EFCAB6: variants seen among roughly 807,000 people sequenced by gnomAD.
The protein encoded by EFCAB6 is EF-hand calcium-binding domain-containing protein 6.
In EFCAB6, 156 loss-of-function variants were observed where a neutral mutation model predicts 169.8. That is an observed-to-expected ratio of 0.92 (90% confidence interval 0.81 to 1.05). The LOEUF is 1.05. EFCAB6 is among the 50% of genes least tolerant of loss of function. The probability of loss-of-function intolerance (pLI) is 0.00; values close to 1 mark genes in which losing one functional copy is unlikely to be tolerated. For synonymous variants in EFCAB6, 698 were observed against 676.4 expected (o/e 1.03, Z -0.50); for missense variants, 1,800 against 1,829.1 (o/e 0.98, Z 0.29).
chr22:43,721,045 A>G (rs1473964460), intron 8 of EFCAB6, among the ~76,000 whole-genome samples: 1 of 152,228 alleles, frequency 6.6e-6, no homozygotes, highest in Non-Finnish European at 1.5e-5. Context: ...ACACAAAATC[A>G]ATGTACAAAA....
chr22:43,786,506 G>C (rs1022388402), intron 2 of EFCAB6, among the ~76,000 whole-genome samples: 3 of 151,976 alleles, frequency 2.0e-5, no homozygotes, highest in South Asian at 2.1e-4. Context: ...CAGATCACGA[G>C]GTCAGGAGAT....
chr22:43,708,038 T>A (rs974026018), intron 10 of EFCAB6, among the ~76,000 whole-genome samples: 1 of 127,920 alleles, frequency 7.8e-6, no homozygotes, highest in South Asian at 2.4e-4. Context: ...AGAAATAAGA[T>A]ATTTAAGTCT....
At chr22:43,569,276 TGA>T (rs1382238574) in intron 26 of EFCAB6, among the ~76,000 whole-genome samples, 1 of 152,270 alleles carries the variant, frequency 6.6e-6, no homozygotes, top group African/African-American at 2.4e-5. Context: ...GCACGCTAAG[TGA>T]GAGTGAATCT....
At chr22:43,563,924 C>T (rs545018163) in intron 26 of EFCAB6, among the ~76,000 whole-genome samples, 15 of 152,358 alleles carry the variant, frequency 9.8e-5, no homozygotes, top group East Asian at 5.8e-4. Flanking sequence ...TGACCGGCTG[C>T]GGTGAGCTCT....
intron 4 of EFCAB6, among the ~76,000 whole-genome samples, chr22:43,772,348 A>G (rs1432472576): frequency 6.6e-6 from 1 of 152,204 alleles, no homozygotes; most frequent in East Asian, 1.9e-4. Flanking sequence ...CTTAAAAGAA[A>G]TGAAAAGAAG....
At chr22:43,735,123 C>T (rs1357308639) in intron 7 of EFCAB6, among the ~76,000 whole-genome samples, 1 of 152,188 alleles carries the variant, frequency 6.6e-6, no homozygotes, top group African/African-American at 2.4e-5. Context: ...CAGTGGCTTT[C>T]ACTCAAAACT....
At chr22:43,530,736 G>T in intron 31 of EFCAB6, 79 bp downstream of exon 31, 1 of 1,590,098 alleles carries the variant, frequency 6.3e-7, no homozygotes, top group Non-Finnish European at 8.6e-7. Flanking sequence ...CAGGTAGAGG[G>T]CTCCCCGTGG....
intron 17 of EFCAB6, among the ~76,000 whole-genome samples, chr22:43,635,494 C>T (rs1191600992): frequency 3.3e-5 from 5 of 152,124 alleles, no homozygotes; most frequent in Non-Finnish European, 7.4e-5. Flanking sequence ...TTTTCCAAGC[C>T]GTGCCATCCA....
At chr22:43,709,363 T>G (rs778200516) in intron 10 of EFCAB6, among the ~76,000 whole-genome samples, 1 of 152,218 alleles carries the variant, frequency 6.6e-6, no homozygotes, top group Non-Finnish European at 1.5e-5. Context: ...ATTACATGCA[T>G]GAACCACTGC....
intron 3 of EFCAB6, among the ~76,000 whole-genome samples, chr22:43,780,973 G>A (rs1445519819): frequency 1.3e-5 from 2 of 152,136 alleles, no homozygotes; most frequent in African/African-American, 4.8e-5. Flanking sequence ...TGCGTCTTAC[G>A]GCATTTGGCT....
intron 10 of EFCAB6, among the ~76,000 whole-genome samples, chr22:43,700,691 G>A (rs192263693): frequency 2.0e-5 from 3 of 152,188 alleles, no homozygotes; most frequent in East Asian, 3.9e-4. Context: ...TGCCTTTTCC[G>A]GAATGTCTTG....
intron 2 of EFCAB6, among the ~76,000 whole-genome samples, chr22:43,787,856 T>C (rs1024925893): frequency 1.3e-5 from 2 of 152,140 alleles, no homozygotes; most frequent in African/African-American, 4.8e-5. Context: ...CAAAACTTAA[T>C]AGAAAGCAAC....
At chr22:43,718,370 A>G (rs2059407178) in intron 8 of EFCAB6, among the ~76,000 whole-genome samples, 1 of 152,342 alleles carries the variant, frequency 6.6e-6, no homozygotes, top group Non-Finnish European at 1.5e-5. Context: ...CACTTAATTC[A>G]GCTGCAGTTA....
intron 6 of EFCAB6, among the ~76,000 whole-genome samples, chr22:43,736,361 C>T (rs890272045): frequency 6.6e-6 from 1 of 152,110 alleles, no homozygotes; most frequent in African/African-American, 2.4e-5. Flanking sequence ...TTTTATTTTT[C>T]ACAGCCATAT....
intron 17 of EFCAB6, among the ~76,000 whole-genome samples, chr22:43,661,521 G>C (rs2057001487): frequency 6.6e-6 from 1 of 152,236 alleles, no homozygotes; most frequent in South Asian, 2.1e-4. Flanking sequence ...TTTCCTGGGA[G>C]AGGGAATCCG....
intron 17 of EFCAB6, among the ~76,000 whole-genome samples, chr22:43,664,909 G>A (rs1375625235): frequency 2.6e-5 from 4 of 152,146 alleles, no homozygotes; most frequent in Non-Finnish European, 5.9e-5. Flanking sequence ...TGGAAGCAGG[G>A]AGGCAGTGAA....
chr22:43,565,443 T>C (rs1964426758), intron 26 of EFCAB6, among the ~76,000 whole-genome samples: 1 of 152,188 alleles, frequency 6.6e-6, no homozygotes, highest in African/African-American at 2.4e-5. Flanking sequence ...GAGCTTAGAA[T>C]ACAGACAGGA....
chr22:43,723,749 A>G (rs2059621758), intron 8 of EFCAB6, among the ~76,000 whole-genome samples: 1 of 152,206 alleles, frequency 6.6e-6, no homozygotes, highest in South Asian at 2.1e-4. Context: ...GGCCCACGTG[A>G]GCCCCAGTGT....
intron 17 of EFCAB6, among the ~76,000 whole-genome samples, chr22:43,661,637 C>A (rs1290423051): frequency 6.6e-6 from 1 of 152,174 alleles, no homozygotes; most frequent in Non-Finnish European, 1.5e-5. Flanking sequence ...GTAGATATCA[C>A]ACATCCAACC....
Sources: gnomAD v4.1 joint callset for allele counts (sites outside exome capture counted in the v4.1 genomes callset) on GRCh38, gnomAD v4.1.1 for gene constraint, MANE v1.5 for transcripts, NCBI Gene and HGNC (gene_info 2026-07-23, HGNC 2026-07-21) for gene names.